KPNA7: variants seen among roughly 807,000 people sequenced by gnomAD.
KPNA7 encodes the protein karyopherin subunit alpha 7.
A neutral mutation model predicts 53.7 loss-of-function variants in KPNA7; 54 were observed. That is an observed-to-expected ratio of 1.01 (90% CI 0.81 to 1.26). KPNA7 has a LOEUF of 1.26. KPNA7 is among the 50% of genes most tolerant of loss of function. The pLI is 0.00. For missense variants in KPNA7, 640 were observed against 644.5 expected (o/e 0.99, Z 0.07); for synonymous variants, 276 against 259.3 (o/e 1.06, Z -0.62).
intron 2 of KPNA7, among the ~76,000 whole-genome samples, chr7:99,205,525 G>A (rs1198304508): frequency 6.6e-6 from 1 of 151,772 alleles, no homozygotes; most frequent in African/African-American, 2.4e-5. Flanking sequence ...TTCCCAAGGT[G>A]GAGCTAAACT....
chr7:99,195,574 C>T (rs1394472070), intron 4 of KPNA7, among the ~76,000 whole-genome samples: 1 of 152,064 alleles, frequency 6.6e-6, no homozygotes, highest in East Asian at 1.9e-4. Flanking sequence ...TGGTGGTGCA[C>T]ACCTGTAATC....
intron 3 of KPNA7, among the ~76,000 whole-genome samples, 186 bp downstream of exon 3, chr7:99,202,920 C>T (rs1328700612): frequency 6.6e-6 from 1 of 152,144 alleles, no homozygotes; most frequent in Non-Finnish European, 1.5e-5. Flanking sequence ...GACTCAGAGC[C>T]ATAGGAGTAA....
upstream of KPNA7, among the ~76,000 whole-genome samples, chr7:99,211,058 A>T (rs150846331): frequency 3.3e-5 from 5 of 152,256 alleles, no homozygotes; most frequent in East Asian, 5.8e-4. Context: ...TAGTTTTGGT[A>T]GAAAAGACTA....
intron 10 of KPNA7, among the ~76,000 whole-genome samples, chr7:99,177,360 A>G (rs1260362552): frequency 6.6e-6 from 1 of 152,094 alleles, no homozygotes; most frequent in African/African-American, 2.4e-5. Flanking sequence ...AGGCGGGTGG[A>G]TCACTTGAGG....
chr7:99,208,422 A>T (rs542194711), upstream of KPNA7, among the ~76,000 whole-genome samples: 1 of 151,710 alleles, frequency 6.6e-6, no homozygotes, highest in Admixed American at 6.6e-5. Context: ...CGCTCAGCAA[A>T]TTTTTTTGTA....
the KPNA7 span, among the ~76,000 whole-genome samples, chr7:99,163,662 T>C: frequency 6.6e-6 from 1 of 151,906 alleles, no homozygotes; most frequent in South Asian, 2.1e-4. Context: ...GCTGGGATTA[T>C]AGGTATAAGC....
rs756807848 is a variant in KPNA7 at position 99,178,771 on chromosome 7, CAAAAAAAAA to C, written c.1318-714_1318-706del. 9.8e-3 allele frequency among the ~76,000 whole-genome samples: 272 copies of C among 27,684 alleles called. 2 individuals carry two copies. Among genetic ancestry groups the C allele is most frequent in the African/African-American group, 0.031 (243 of 7,838 alleles). 18.2% of individuals were successfully genotyped at this position (27,684 alleles called of 152,430 possible). A position where few individuals can be genotyped will look rare whatever the true frequency, so the allele number is the denominator to read the frequency against. On this transcript the variant is annotated intron_variant, in intron 9 of 10. Coordinates refer to ENST00000327442, the MANE Select transcript of KPNA7 (RefSeq NM_001145715.3). Reference sequence around the variant, plus strand: ...GCATTTGGCCCAAATATCTTTGTCTCAAAAAAAAAAAAAAAAAAAAAAAAAAAAAAAAAA... The same window carrying C: ...GCATTTGGCCCAAATATCTTTGTCTCAAAAAAAAAAAAAAAAAAAAAAAAA...
chr7:99,218,498 T>C (rs1170365553), intron 1 of KPNA7, among the ~76,000 whole-genome samples: 1 of 152,048 alleles, frequency 6.6e-6, no homozygotes, highest in African/African-American at 2.4e-5. Context: ...GAGGGGCACA[T>C]GGCAAGGCCG....
intron 1 of KPNA7, among the ~76,000 whole-genome samples, chr7:99,218,529 C>A (rs1791268336): frequency 6.6e-6 from 1 of 152,146 alleles, no homozygotes; most frequent in South Asian, 2.1e-4. Context: ...AGTCACAGCC[C>A]ACTATGTGGT....
intron 10 of KPNA7, among the ~76,000 whole-genome samples, chr7:99,175,293 G>A (rs1219204250): frequency 6.6e-6 from 1 of 151,846 alleles, no homozygotes; most frequent in Non-Finnish European, 1.5e-5. Flanking sequence ...TCCTCCCACT[G>A]TAGCCTCCCG....
At position 99,185,172 on chromosome 7, in the gene KPNA7, C is replaced by G. The variant is rs1435118052; in HGVS notation, c.901-10G>C. ...TGCGGAGAGAAGGAGTCTGGAAGAGCAAGGCTAGAAGTCTAAGTATTTCAA... is the reference window on the plus strand; with the variant it reads ...TGCGGAGAGAAGGAGTCTGGAAGAGGAAGGCTAGAAGTCTAAGTATTTCAA... On this transcript the variant is annotated splice_polypyrimidine_tract_variant and intron_variant, in intron 7 of 10. Coordinates refer to ENST00000327442, the MANE Select transcript of KPNA7 (RefSeq NM_001145715.3). 5 of 1,537,098 alleles carry G rather than the reference C, an allele frequency of 3.3e-6. No individual in the cohort carries two copies. In the South Asian group the frequency reaches 6.0e-5, roughly 18 times the overall value.
intron 9 of KPNA7, among the ~76,000 whole-genome samples, 180 bp from the exon 10 acceptor site, chr7:99,178,246 C>A (rs1014355393): frequency 1.1e-4 from 17 of 152,066 alleles, no homozygotes; most frequent in Admixed American, 2.0e-4. Context: ...CTTCCTCCCA[C>A]TTTAGGTATC....
At chr7:99,201,188 C>T (rs753457237) in intron 3 of KPNA7, among the ~76,000 whole-genome samples, 9 of 151,938 alleles carry the variant, frequency 5.9e-5, no homozygotes, top group South Asian at 2.1e-4. Context: ...TTTGCAGAGA[C>T]GGTGGGGGAT....
In KPNA7 at chr7:99,185,033, C is replaced by A; in HGVS notation, c.1030G>T (p.Glu344Ter). ...LQHNKPSIQK[E>*]AAWALSNVAA... is the part of the protein sequence containing the mutation. ...ACGTTGCTCAGGGCCCAGGCTGCCT[C>A]CTTCTGGATGGAGGGCTTGTTGTGT... The change falls in exon 8 of 11, where the codon GAG becomes TAG. Residue 344 changes from glutamate (E) to a stop codon, truncating the protein, a stop_gained. Coordinates refer to ENST00000327442, the MANE Select transcript of KPNA7 (RefSeq NM_001145715.3). LOFTEE classifies it high-confidence loss of function. The A allele has an allele frequency of 6.4e-7, 1 of 1,551,890 alleles. No homozygotes were observed. The highest frequency in any genetic ancestry group is 8.7e-7 in the Non-Finnish European group (1 of 1,147,032).
intron 9 of KPNA7, among the ~76,000 whole-genome samples, chr7:99,181,439 T>C (rs962735300): frequency 6.6e-6 from 1 of 152,236 alleles, no homozygotes; most frequent in African/African-American, 2.4e-5. Context: ...CACATAGACA[T>C]TTGTTTGAGA....
At chr7:99,148,550 T>G in the KPNA7 span, among the ~76,000 whole-genome samples, 1 of 152,286 alleles carries the variant, frequency 6.6e-6, no homozygotes, top group Non-Finnish European at 1.5e-5. Context: ...CTGAAACCAA[T>G]TTATGAATCC....
At chr7:99,183,113 G>A (rs28588864) in intron 8 of KPNA7, among the ~76,000 whole-genome samples, 4,504 of 152,092 alleles carry the variant, frequency 0.03, 228 homozygotes, top group African/African-American at 0.1. Context: ...AAAATTAGCC[G>A]GGTGTGGAGG....
intron 1 of KPNA7, among the ~76,000 whole-genome samples, chr7:99,213,546 T>C (rs1469397820): frequency 6.6e-6 from 1 of 150,440 alleles, no homozygotes; most frequent in African/African-American, 2.4e-5. Flanking sequence ...TGGGCTCAAA[T>C]GATCCTCCCA....
intron 6 of KPNA7, among the ~76,000 whole-genome samples, chr7:99,190,349 AG>A (rs1789877135): frequency 1.4e-5 from 2 of 144,560 alleles, no homozygotes; most frequent in Non-Finnish European, 3.1e-5. Flanking sequence ...AAAAAAAAAA[AG>A]CAGAAAAAAA....
Sources: gnomAD v4.1 joint callset for allele counts (sites outside exome capture counted in the v4.1 genomes callset) on GRCh38, gnomAD v4.1.1 for gene constraint, MANE v1.5 for transcripts, NCBI Gene and HGNC (gene_info 2026-07-23, HGNC 2026-07-21) for gene names.